The following ADH1C variants were observed in gnomAD, a reference collection of about 807,000 sequenced individuals.
ADH1C encodes the protein alcohol dehydrogenase 1C.
A neutral mutation model predicts 35.0 loss-of-function variants in ADH1C; 26 were observed. That is an observed-to-expected ratio of 0.74 (90% CI 0.54 to 1.03). ADH1C has a LOEUF of 1.03. Among genes scored for constraint, ADH1C ranks in the 50% least tolerant of loss-of-function variants. The probability of loss-of-function intolerance (pLI) is 0.00; values close to 1 mark genes in which losing one functional copy is unlikely to be tolerated. For synonymous variants in ADH1C, 170 were observed against 169.3 expected, an observed-to-expected ratio of 1.00 and a Z score of -0.03; for missense variants, 413 against 465.4, an observed-to-expected ratio of 0.89 and a Z score of 1.04.
At chr4:99,340,553 G>C in intron 7 of ADH1C, 22 bp downstream of exon 7, 1 of 1,613,196 alleles carries the variant, frequency 6.2e-7, no homozygotes, top group African/African-American at 1.3e-5. Flanking sequence ...TGAGAATTTG[G>C]CTCTGAAGCC....
At chr4:99,342,270 A>C (rs560259089) in intron 6 of ADH1C, among the ~76,000 whole-genome samples, 1 of 152,260 alleles carries the variant, frequency 6.6e-6, no homozygotes, top group African/African-American at 2.4e-5. Flanking sequence ...AGTTGCTGTG[A>C]TAAAATATAG....
At chr4:99,345,356 A>G (rs1244565545) in intron 3 of ADH1C, 90 bp from the exon 4 acceptor site, 2 of 1,299,080 alleles carry the variant, frequency 1.5e-6, no homozygotes, top group East Asian at 5.0e-5. Context: ...GATTAGAATT[A>G]TGTGTCTGAA....
At chr4:99,345,123 G>A in intron 4 of ADH1C, 42 bp from the exon 5 acceptor site, 1 of 1,613,928 alleles carries the variant, frequency 6.2e-7, no homozygotes, top group African/African-American at 1.3e-5. Flanking sequence ...CATGAGACAG[G>A]ACCATAACTA....
Position 99,336,674 on chromosome 4 carries a change from T to C in ADH1C, c.*78A>G. Reference sequence around the variant, plus strand: ...CATCTCTGAAGAGCAGAATTAATGATATTTCCTAGCTGTTGCTCCAGATCA... The same window carrying C: ...CATCTCTGAAGAGCAGAATTAATGACATTTCCTAGCTGTTGCTCCAGATCA... On this transcript the variant is annotated 3_prime_UTR_variant, in exon 9 of 9. Coordinates refer to ENST00000515683, the MANE Select transcript of ADH1C (RefSeq NM_000669.5). The C allele has an allele frequency of 6.5e-7, 1 of 1,526,916 alleles. No homozygotes were observed. Among genetic ancestry groups the C allele is most frequent in the Non-Finnish European group, 9.1e-7 (1 of 1,101,860 alleles). 94.6% of individuals were successfully genotyped at this position (1,526,916 alleles called of 1,614,324 possible).
intron 8 of ADH1C, among the ~76,000 whole-genome samples, chr4:99,338,183 C>G (rs996441187): frequency 3.3e-5 from 5 of 150,880 alleles, no homozygotes; most frequent in African/African-American, 1.2e-4. Context: ...AATTTTTATT[C>G]TTTGCTTATT....
chr4:99,347,040 T>C lies in ADH1C; in HGVS notation c.225A>G (p.Glu75=), dbSNP rs879179212. The C allele has an allele frequency of 2.5e-6, 4 of 1,614,088 alleles. No homozygotes were observed. Among genetic ancestry groups the C allele is most frequent in the East Asian group, 2.2e-5 (1 of 44,862 alleles). The change falls in exon 3 of 9, where the codon GAA becomes GAG. Residue 75 remains glutamate (E), a synonymous_variant. Transcript: ENST00000515683. ...CTGTAGTCACCCCTTCTCCAACACT[T>C]TCCACGATGCCGGCTGCCTCATGGC... is the stretch of plus-strand genomic sequence containing the variant. The part of the protein sequence containing the change: ...ILGHEAAGIV[E]SVGEGVTTVK...
At chr4:99,344,484 G>T (rs188096041) in intron 5 of ADH1C, among the ~76,000 whole-genome samples, 1 of 152,114 alleles carries the variant, frequency 6.6e-6, no homozygotes, top group Non-Finnish European at 1.5e-5. Context: ...AAGGGCAAAC[G>T]CTTCATTTCA....
intron 2 of ADH1C, 148 bp from the exon 3 acceptor site, chr4:99,347,292 A>G (rs990695208): frequency 3.0e-6 from 3 of 1,007,950 alleles, no homozygotes; most frequent in Non-Finnish European, 4.3e-6. Flanking sequence ...TGAAAGATTC[A>G]GTTTATCTCC....
intron 8 of ADH1C, 115 bp downstream of exon 8, chr4:99,339,462 C>A (rs1734360152): frequency 1.0e-6 from 1 of 968,924 alleles, no homozygotes; most frequent in Non-Finnish European, 1.5e-6. Context: ...AAAACCAAGG[C>A]ACTGTAATTT....
At position 99,339,622 on chromosome 4, in the gene ADH1C, A is replaced by G; in HGVS notation, c.1058T>C (p.Phe353Ser). ...LDALITNILPFEKINEGFDLL... is the reference protein window; with the variant it reads ...LDALITNILPSEKINEGFDLL... ...GTCAAATCCTTCATTTATTTTTTCAAAAGGTAAAATATTTGTTATTAATGC... is the reference window on the plus strand; with the variant it reads ...GTCAAATCCTTCATTTATTTTTTCAGAAGGTAAAATATTTGTTATTAATGC... Residue 353 changes from phenylalanine (F) to serine (S), a missense_variant, in exon 8 of 9, where the codon TTT (phenylalanine) becomes TCT (serine). Coordinates refer to ENST00000515683, the MANE Select transcript of ADH1C (RefSeq NM_000669.5). 6.2e-7 allele frequency: 1 copy of G among 1,608,486 alleles called. No individual in the cohort carries two copies.
At chr4:99,348,260 A>C in intron 1 of ADH1C, among the ~76,000 whole-genome samples, 1 of 141,264 alleles carries the variant, frequency 7.1e-6, no homozygotes, top group Non-Finnish European at 1.5e-5. Context: ...ATATCTCCCA[A>C]TGCTATCCCT....
In ADH1C at chr4:99,347,093, G is replaced by A; in HGVS notation, c.172C>T (p.Leu58=). 7 of 1,614,116 alleles carry A rather than the reference G, an allele frequency of 4.3e-6. No individual in the cohort carries two copies. The highest frequency in any genetic ancestry group is 5.9e-6 in the Non-Finnish European group (7 of 1,180,018). Residue 58 remains leucine (L), a synonymous_variant, in exon 3 of 9, where the codon CTG becomes TTG. Transcript: ENST00000515683. ...RSDEHVVSGN[L]VTPLPVILGH... Reference sequence around the variant, plus strand: ...AAAATCACAGGAAGGGGGGTCACCAGGTTGCCACTAACCACATGCTCATCT... The same window carrying A: ...AAAATCACAGGAAGGGGGGTCACCAAGTTGCCACTAACCACATGCTCATCT...
chr4:99,350,668 T>A (rs1376055653), intron 1 of ADH1C, among the ~76,000 whole-genome samples: 1 of 152,248 alleles, frequency 6.6e-6, no homozygotes, highest in Non-Finnish European at 1.5e-5. Flanking sequence ...AGTTTCCATA[T>A]TTTTGCAATT....
chr4:99,352,644 T>C lies in ADH1C; in HGVS notation c.18+14A>G, dbSNP rs1734705156. ...AGAGAATATATTATCAACAGTAATATATTTTTTGCTTACTTTTCCTGCTGT... is the reference window on the plus strand; with the variant it reads ...AGAGAATATATTATCAACAGTAATACATTTTTTGCTTACTTTTCCTGCTGT... On this transcript the variant is annotated intron_variant, in intron 1 of 8. Coordinates refer to ENST00000515683, the MANE Select transcript of ADH1C (RefSeq NM_000669.5). The C allele has an allele frequency of 6.2e-7, 1 of 1,602,704 alleles. No homozygotes were observed. The highest frequency in any genetic ancestry group is 8.5e-7 in the Non-Finnish European group (1 of 1,169,936).
intron 8 of ADH1C, 65 bp downstream of exon 8, chr4:99,339,510 ACG>A (rs1553914027): frequency 1.5e-5 from 13 of 894,316 alleles, no homozygotes; most frequent in Non-Finnish European, 1.7e-5. Flanking sequence ...CTGCTAGACA[ACG>A]CCCCCCCCCC....
intron 3 of ADH1C, 133 bp from the exon 4 acceptor site, chr4:99,345,399 A>G (rs911956625): frequency 2.1e-6 from 2 of 963,056 alleles, no homozygotes; most frequent in Non-Finnish European, 3.1e-6. Flanking sequence ...AGTCACAACT[A>G]TGTCATTTGT....
At chr4:99,338,892 T>C (rs1388684731) in intron 8 of ADH1C, among the ~76,000 whole-genome samples, 1 of 151,870 alleles carries the variant, frequency 6.6e-6, no homozygotes, top group African/African-American at 2.4e-5. Flanking sequence ...TAAATGCAAG[T>C]GACAAAGTTC....
intron 2 of ADH1C, 140 bp downstream of exon 2, chr4:99,347,604 CT>C: frequency 1.2e-6 from 1 of 818,660 alleles, no homozygotes; most frequent in Non-Finnish European, 1.8e-6. Context: ...ACAATTTATA[CT>C]TTCCTTGACA....
Position 99,338,395 on chromosome 4 carries a change from CTATATATATATATA to C in ADH1C, c.1103+1168_1103+1181del, listed in dbSNP as rs35124782. ...ATTAACCTTTGATGAATACTGTTTTCTATATATATATATATATATATATATATATATATATATAT... is the reference window on the plus strand; with the variant it reads ...ATTAACCTTTGATGAATACTGTTTTCTATATATATATATATATATATATAT... On this transcript the variant is annotated intron_variant, in intron 8 of 8. Transcript: ENST00000515683. 6.7e-4 allele frequency among the ~76,000 whole-genome samples: 26 copies of C among 38,946 alleles called. 2 individuals carry two copies. Among genetic ancestry groups the C allele is most frequent in the Middle Eastern group, 0.019 (1 of 54 alleles). The allele number at this position is 38,946 out of a possible 152,430, so 25.6% of individuals were successfully genotyped here. A position where few individuals can be genotyped will look rare whatever the true frequency, so the allele number is the denominator to read the frequency against.
Sources: gnomAD v4.1 joint callset for allele counts (sites outside exome capture counted in the v4.1 genomes callset) on GRCh38, gnomAD v4.1.1 for gene constraint, MANE v1.5 for transcripts, NCBI Gene and HGNC (gene_info 2026-07-23, HGNC 2026-07-21) for gene names.